The following CELF5 variants were observed in gnomAD, a reference collection of about 807,000 sequenced individuals.
The protein encoded by CELF5 is CUGBP Elav-like family member 5.
In CELF5, 6 loss-of-function variants were observed where a neutral mutation model predicts 54.9. The ratio of observed to expected loss-of-function variants is 0.11; its 90% CI spans 0.06 to 0.22. The LOEUF (loss-of-function observed/expected upper bound fraction) is 0.22, where lower values mean the gene tolerates loss of function less well. CELF5 is among the 10% of genes least tolerant of loss of function. CELF5 has a pLI of 1.00. For synonymous variants in CELF5, 271 were observed against 290.9 expected (o/e 0.93, Z 0.70); for missense variants, 401 against 678.6 (o/e 0.59, Z 4.54).
At chr19:3,269,494 A>T (rs1367568580) in intron 2 of CELF5, among the ~76,000 whole-genome samples, 1 of 151,126 alleles carries the variant, frequency 6.6e-6, no homozygotes, top group Non-Finnish European at 1.5e-5. Flanking sequence ...CTGAACCTCT[A>T]CTCTTCCAAA....
intron 4 of CELF5, among the ~76,000 whole-genome samples, chr19:3,277,170 T>G (rs1281364074): frequency 6.6e-6 from 1 of 152,202 alleles, no homozygotes; most frequent in Non-Finnish European, 1.5e-5. Context: ...GACCATTACC[T>G]GGTTCTTCCT....
intron 1 of CELF5, among the ~76,000 whole-genome samples, chr19:3,247,659 G>A (rs1348965968): frequency 6.6e-6 from 1 of 151,678 alleles, no homozygotes; most frequent in Non-Finnish European, 1.5e-5. Context: ...TTGTTACATT[G>A]CACGCTTACG....
At chr19:3,254,150 T>C (rs1730242325) in intron 2 of CELF5, among the ~76,000 whole-genome samples, 1 of 152,120 alleles carries the variant, frequency 6.6e-6, no homozygotes, top group African/African-American at 2.4e-5. Context: ...CACTTTGAGA[T>C]GAAGAGATGC....
At chr19:3,237,788 G>A (rs1220514600) in intron 1 of CELF5, among the ~76,000 whole-genome samples, 3 of 152,162 alleles carry the variant, frequency 2.0e-5, no homozygotes, top group Non-Finnish European at 4.4e-5. Flanking sequence ...GGTGGCTCAC[G>A]CCTGTAATCC....
At chr19:3,272,375 AAAAAGAAAAAAAG>A (rs1306963461) in intron 2 of CELF5, among the ~76,000 whole-genome samples, 3 of 152,092 alleles carry the variant, frequency 2.0e-5, no homozygotes, top group African/African-American at 7.2e-5. Context: ...CCCAAGAAAA[AAAAAGAAAAAAAG>A]AAAAGAAAAA....
chr19:3,271,789 G>T (rs1375703915), intron 2 of CELF5, among the ~76,000 whole-genome samples: 1 of 152,044 alleles, frequency 6.6e-6, no homozygotes, highest in African/African-American at 2.4e-5. Context: ...GGGTGGAAGA[G>T]TGGGCACGGA....
chr19:3,249,309 A>G (rs2145055025), intron 1 of CELF5, among the ~76,000 whole-genome samples: 1 of 152,204 alleles, frequency 6.6e-6, no homozygotes, highest in Non-Finnish European at 1.5e-5. Context: ...CCTGTGTGCA[A>G]TCCCTACCCC....
At chr19:3,294,362 G>A (rs191896454) in intron 12 of CELF5, 111 of 151,866 alleles carry the variant, frequency 7.3e-4, no homozygotes, top group African/African-American at 2.5e-3. Context: ...TTTCGCAGCC[G>A]AGCCCAGAAC....
At chr19:3,227,575 C>A (rs1299396890) in intron 1 of CELF5, among the ~76,000 whole-genome samples, 2 of 152,004 alleles carry the variant, frequency 1.3e-5, no homozygotes, top group Non-Finnish European at 2.9e-5. Context: ...GATGAGAACA[C>A]CCTGGAGGTG....
At chr19:3,247,498 G>A (rs2079583882) in intron 1 of CELF5, among the ~76,000 whole-genome samples, 1 of 151,514 alleles carries the variant, frequency 6.6e-6, no homozygotes. Flanking sequence ...GTGAACTCAA[G>A]TGATCCTCCC....
Position 3,251,446 on chromosome 19 carries a change from G to A in CELF5, c.342+379G>A, listed in dbSNP as rs77564527. 1.4e-3 allele frequency among the ~76,000 whole-genome samples: 208 copies of A among 152,200 alleles called. 2 individuals are homozygous for A. In the East Asian group the frequency reaches 0.039, roughly 29 times the overall value. Reference sequence around the variant, plus strand: ...CCTGACGTGTTGGAGGAACAGGGAGGAGGCCCGTGTGGCTGGAACAGAGTG... The same window carrying A: ...CCTGACGTGTTGGAGGAACAGGGAGAAGGCCCGTGTGGCTGGAACAGAGTG... On this transcript the variant is annotated intron_variant, in intron 2 of 12. Coordinates refer to ENST00000292672, the MANE Select transcript of CELF5 (RefSeq NM_021938.4).
chr19:3,281,154 T>A lies in CELF5; in HGVS notation c.604-45T>A. On this transcript the variant is annotated intron_variant, in intron 5 of 12. Transcript: ENST00000292672. The surrounding 1 kb of genome is among the most constrained non-coding windows in gnomAD (Gnocchi z 6.5). ...AATCCAGGGACCCCAGAGTCCTGGC[T>A]ACCTCCCAGCCCGTTTCCCTCCCTG... 1 of 1,585,494 alleles carries A rather than the reference T, an allele frequency of 6.3e-7. No homozygotes were observed. Among genetic ancestry groups the A allele is most frequent in the Non-Finnish European group, 8.6e-7 (1 of 1,167,466 alleles).
chr19:3,224,780 A>T lies in CELF5; in HGVS notation c.41A>T (p.Gln14Leu), dbSNP rs1916790755. The change falls in exon 1 of 13, where the codon CAG becomes CTG. Residue 14 changes from glutamine (Q) to leucine (L), a missense_variant. Around this residue, in one of 6 missense-constraint regions of CELF5, gnomAD observed 46 missense variants for 55.0 expected, o/e 0.84. Transcript: ENST00000292672. Reference protein sequence around the residue: ...LTESEARRQQQQLLQPRPSPV... With the variant: ...LTESEARRQQLQLLQPRPSPV... ...GAGAGCGAGGCGCGCCGGCAGCAGC[A>T]GCAGCTCCTGCAGCCGCGGCCCTCG... The T allele has an allele frequency of 1.4e-6, 2 of 1,479,374 alleles. No homozygotes were observed. Among genetic ancestry groups the T allele is most frequent in the South Asian group, 1.3e-5 (1 of 76,834 alleles). The allele number at this position is 1,479,374 out of a possible 1,614,324, so 91.6% of individuals were successfully genotyped here.
intron 2 of CELF5, among the ~76,000 whole-genome samples, chr19:3,251,880 G>T (rs965930055): frequency 2.1e-4 from 32 of 151,794 alleles, no homozygotes; most frequent in African/African-American, 6.1e-4. Flanking sequence ...TTGCCATATT[G>T]GCCAGGCTGG....
chr19:3,235,690 GTGGATGGA>G (rs1167320138), intron 1 of CELF5, among the ~76,000 whole-genome samples: 7 of 90,312 alleles, frequency 7.8e-5, no homozygotes, highest in South Asian at 7.7e-4. Context: ...GTGTGGATGG[GTGGATGGA>G]TGGATGGATG....
At chr19:3,255,501 T>A (rs1362261207) in intron 2 of CELF5, among the ~76,000 whole-genome samples, 1 of 152,162 alleles carries the variant, frequency 6.6e-6, no homozygotes, top group Admixed American at 6.6e-5. Flanking sequence ...CTGCTTTTTT[T>A]GAACCAGTTT....
At chr19:3,286,638 CAGG>C in intron 10 of CELF5, 1 of 147,758 alleles carries the variant, frequency 6.8e-6, no homozygotes, top group Admixed American at 7.0e-5. Flanking sequence ...GAGGCTGGAG[CAGG>C]AGGATCACTG....
intron 9 of CELF5, among the ~76,000 whole-genome samples, chr19:3,285,692 C>CG (rs1221553226): frequency 7.6e-6 from 1 of 130,758 alleles, no homozygotes; most frequent in East Asian, 2.5e-4. Context: ...CGCCCCGTCT[C>CG]GGTATTGGCC....
Position 3,278,679 on chromosome 19 carries a change from T to G in CELF5, c.603+569T>G, listed in dbSNP as rs199804203. Among the ~76,000 whole-genome samples, 2 of 148,892 alleles carry G rather than the reference T, an allele frequency of 1.3e-5. No individual in the cohort carries two copies. Among genetic ancestry groups the G allele is most frequent in the Middle Eastern group, 3.2e-3 (1 of 314 alleles). ...TCTGCAGGTGCATTTGTGGGCAGGT[T>G]TGTGTGTGTGTGTGTGTGTGTTTGT... On this transcript the variant is annotated intron_variant, in intron 5 of 12. Coordinates refer to ENST00000292672, the MANE Select transcript of CELF5 (RefSeq NM_021938.4). This position sits in a 1 kb window ranked among gnomAD's most constrained non-coding sequence, Gnocchi z 4.5.
Sources: allele counts gnomAD v4.1 joint callset (sites outside exome capture counted in the v4.1 genomes callset), GRCh38; gene constraint gnomAD v4.1.1; regional missense constraint gnomAD v4.1.1; non-coding constraint Gnocchi (gnomAD v3.1); transcripts MANE v1.5; gene names NCBI Gene and HGNC (gene_info 2026-07-23, HGNC 2026-07-21).